Variants in PRKN observed in about 807,000 individuals in gnomAD.
PRKN encodes parkin RBR E3 ubiquitin protein ligase.
Under a neutral mutation model 59.5 loss-of-function variants are expected in PRKN, and 56 were observed. That is an observed-to-expected ratio of 0.94 (90% CI 0.76 to 1.18). PRKN has a LOEUF of 1.18. PRKN is among the 50% of genes most tolerant of loss of function. PRKN has a pLI of 0.00. For missense variants in PRKN, 657 were observed against 596.4 expected (o/e 1.10, Z -1.06); for synonymous variants, 250 against 222.1 (o/e 1.13, Z -1.12).
intron 2 of PRKN, among the ~76,000 whole-genome samples, chr6:162,442,716 G>C (rs1467122927): frequency 6.6e-6 from 1 of 152,152 alleles, no homozygotes; most frequent in African/African-American, 2.4e-5. Flanking sequence ...GAACCTTGGA[G>C]AAATTCATGC....
intron 2 of PRKN, among the ~76,000 whole-genome samples, chr6:162,400,748 A>G (rs556317633): frequency 6.6e-6 from 1 of 152,230 alleles, no homozygotes; most frequent in South Asian, 2.1e-4. Context: ...TACATTTCTT[A>G]AAACAGAGGA....
chr6:161,729,045 G>C (rs1409792759), intron 7 of PRKN, among the ~76,000 whole-genome samples: 1 of 152,126 alleles, frequency 6.6e-6, no homozygotes, highest in Non-Finnish European at 1.5e-5. Context: ...AAAGATGAAT[G>C]AGATAAACAG....
rs1360716141 is a variant in PRKN, at chr6:161,361,776, C to T, written c.1168-1571G>A. 1.3e-5 allele frequency among the ~76,000 whole-genome samples: 2 copies of T among 152,194 alleles called. No individual in the cohort carries two copies. Among genetic ancestry groups the T allele is most frequent in the Non-Finnish European group, 2.9e-5 (2 of 68,046 alleles). On this transcript the variant is annotated intron_variant, in intron 10 of 11. Coordinates refer to ENST00000366898, the MANE Select transcript of PRKN (RefSeq NM_004562.3). This position sits in a 1 kb window ranked among gnomAD's most constrained non-coding sequence, Gnocchi z 5.2. ...CTAGAATAACGTGGAGTCAGCTGCT[C>T]GGAGGCAACGGTAGGTCAATGAGTG... is the stretch of plus-strand genomic sequence containing the variant.
intron 3 of PRKN, among the ~76,000 whole-genome samples, chr6:162,243,771 G>A (rs80346353): frequency 0.14 from 20,866 of 152,078 alleles, 2,022 homozygotes; most frequent in East Asian, 0.49. Context: ...GGAAAAGAAA[G>A]ATGATGAGCT....
intron 2 of PRKN, among the ~76,000 whole-genome samples, chr6:162,264,065 G>A (rs901637434): frequency 1.1e-4 from 17 of 152,052 alleles, no homozygotes; most frequent in African/African-American, 4.1e-4. Context: ...CTTGAGGCCA[G>A]TAGTTTGTGA....
intron 7 of PRKN, among the ~76,000 whole-genome samples, chr6:161,605,632 C>T (rs1782250571): frequency 6.6e-6 from 1 of 152,004 alleles, no homozygotes; most frequent in Non-Finnish European, 1.5e-5. Flanking sequence ...CTGCCTCAGC[C>T]TCCCAAGTAG....
chr6:161,367,473 T>TC (rs986151066), intron 10 of PRKN, among the ~76,000 whole-genome samples: 2 of 151,338 alleles, frequency 1.3e-5, no homozygotes, highest in African/African-American at 4.9e-5. Context: ...GTCTTTTCTT[T>TC]TTTTTTTTTT....
intron 2 of PRKN, among the ~76,000 whole-genome samples, chr6:162,413,730 T>C (rs901800662): frequency 6.6e-6 from 1 of 152,258 alleles, no homozygotes; most frequent in Non-Finnish European, 1.5e-5. Flanking sequence ...TATTCTTTCA[T>C]GTTTTTTGCC....
chr6:162,004,874 C>T (rs1782190047), intron 5 of PRKN, among the ~76,000 whole-genome samples: 1 of 152,120 alleles, frequency 6.6e-6, no homozygotes, highest in Non-Finnish European at 1.5e-5. Flanking sequence ...TGATGTTGGG[C>T]TCAGTGGGAT....
chr6:162,409,692 C>T (rs1313430706), intron 2 of PRKN, among the ~76,000 whole-genome samples: 1 of 152,144 alleles, frequency 6.6e-6, no homozygotes, highest in Non-Finnish European at 1.5e-5. Flanking sequence ...TTACCTCTTT[C>T]AAGCCCAAGC....
intron 7 of PRKN, among the ~76,000 whole-genome samples, chr6:161,774,382 GCACACACACACACACACACACACACACA>G (rs3220723): frequency 1.5e-5 from 2 of 130,934 alleles, no homozygotes; most frequent in African/African-American, 5.9e-5. Context: ...TACTCCCTGA[GCACACACACACACACACACACACACACA>G]CACACACACA....
intron 6 of PRKN, among the ~76,000 whole-genome samples, chr6:161,819,866 A>G (rs572410895): frequency 6.6e-6 from 1 of 152,216 alleles, no homozygotes; most frequent in Non-Finnish European, 1.5e-5. Context: ...TATTTTTCAA[A>G]TAAAAAATGA....
chr6:162,604,216 A>G (rs1178995557), intron 1 of PRKN, among the ~76,000 whole-genome samples: 1 of 152,192 alleles, frequency 6.6e-6, no homozygotes, highest in Non-Finnish European at 1.5e-5. Context: ...AAGAAATGGC[A>G]AATCTATCTT....
At chr6:161,858,730 G>C (rs1562341923) in intron 6 of PRKN, among the ~76,000 whole-genome samples, 1 of 152,070 alleles carries the variant, frequency 6.6e-6, no homozygotes, top group Non-Finnish European at 1.5e-5. Context: ...TCCCCACAGA[G>C]GAGGAGGAAC....
rs1276967984 is a variant in PRKN at position 162,727,516 on chromosome 6, G to T, written c.7+146C>A. 6.7e-6 allele frequency: 6 copies of T among 892,812 alleles called. No homozygotes were observed. The Admixed American group carries it at 1.5e-4, about 23-fold the overall frequency. 55.3% of individuals were successfully genotyped at this position (892,812 alleles called of 1,614,324 possible). On this transcript the variant is annotated intron_variant, in intron 1 of 11. Coordinates refer to ENST00000366898, the MANE Select transcript of PRKN (RefSeq NM_004562.3). ...CCGCGTCGCTGAGCTGGGGAGCCCG[G>T]CGGCGCGGGCCGGGGACGGCACGGG...
intron 1 of PRKN, among the ~76,000 whole-genome samples, chr6:162,503,489 T>C (rs1479465759): frequency 2.0e-5 from 3 of 152,142 alleles, no homozygotes; most frequent in Admixed American, 6.5e-5. Flanking sequence ...CAAAGAAACA[T>C]TCATATTTGA....
intron 10 of PRKN, among the ~76,000 whole-genome samples, chr6:161,374,951 G>A (rs1278616802): frequency 6.6e-6 from 1 of 152,112 alleles, no homozygotes; most frequent in African/African-American, 2.4e-5. Flanking sequence ...AAAGCCTTCA[G>A]GACAGCATCA....
At chr6:162,432,787 C>T (rs969346575) in intron 2 of PRKN, among the ~76,000 whole-genome samples, 9 of 152,116 alleles carry the variant, frequency 5.9e-5, no homozygotes, top group Non-Finnish European at 1.2e-4. Flanking sequence ...TACATTCAAG[C>T]GACTCATGAA....
At chr6:161,618,603 C>A in intron 7 of PRKN, among the ~76,000 whole-genome samples, 1 of 152,158 alleles carries the variant, frequency 6.6e-6, no homozygotes, top group East Asian at 1.9e-4. Context: ...AATTCAAATT[C>A]TATTGCACTG....
Sources: allele counts gnomAD v4.1 joint callset (sites outside exome capture counted in the v4.1 genomes callset), GRCh38; gene constraint gnomAD v4.1.1; non-coding constraint Gnocchi (gnomAD v3.1); transcripts MANE v1.5; gene names NCBI Gene and HGNC (gene_info 2026-07-23, HGNC 2026-07-21).